Variants in CRIM1 observed in about 807,000 individuals in gnomAD.
The protein encoded by CRIM1 is cysteine rich transmembrane BMP regulator 1.
Under a neutral mutation model 116.4 loss-of-function variants are expected in CRIM1, and 32 were observed. The ratio of observed to expected loss-of-function variants is 0.27; its 90% CI spans 0.21 to 0.37. CRIM1 has a LOEUF of 0.37. CRIM1 is among the 10% of genes least tolerant of loss of function. The pLI is 1.00. For missense variants in CRIM1, 1,331 were observed against 1,354.8 expected (o/e 0.98, Z 0.28); for synonymous variants, 590 against 509.2 (o/e 1.16, Z -2.13).
chr2:36,513,744 C>G lies in CRIM1; in HGVS notation c.1969C>G (p.Gln657Glu). The stretch of plus-strand genomic sequence containing the variant: ...TGGCAACCCCACCATTCACCCTGGA[C>G]AGTGCTGCCCATCATGTGCAGGTAA... The part of the protein sequence containing the change: ...ACGNPTIHPG[Q>E]CCPSCADDFV... Residue 657 changes from glutamine to glutamate, a missense_variant, in exon 11 of 17, where the codon CAG (glutamine) becomes GAG (glutamate). Physicochemically the swap from Gln to Glu is conservative, Grantham distance 29. Transcript: ENST00000280527. 1 of 1,614,138 alleles carries G rather than the reference C, an allele frequency of 6.2e-7. No individual in the cohort carries two copies. The highest frequency in any genetic ancestry group is 8.5e-7 in the Non-Finnish European group (1 of 1,180,000).
intron 6 of CRIM1, among the ~76,000 whole-genome samples, chr2:36,479,140 C>T (rs1340976078): frequency 6.6e-6 from 1 of 152,250 alleles, no homozygotes; most frequent in Non-Finnish European, 1.5e-5. Context: ...TTTATGTCTA[C>T]AACTGCGAAG....
intron 14 of CRIM1, among the ~76,000 whole-genome samples, chr2:36,542,364 T>C (rs568854722): frequency 6.6e-6 from 1 of 152,364 alleles, no homozygotes; most frequent in Admixed American, 6.5e-5. Context: ...TCCTTCTAAC[T>C]TTCCCTGCTG....
rs1014068785 is a variant in CRIM1 at position 36,549,445 on chromosome 2, A to G, written c.*744A>G. 5 of 151,808 alleles carry G rather than the reference A, an allele frequency of 3.3e-5. No individual in the cohort carries two copies. Among genetic ancestry groups the G allele is most frequent in the Admixed American group, 2.6e-4 (4 of 15,196 alleles). 9.4% of individuals were successfully genotyped at this position (151,808 alleles called of 1,614,324 possible). ...CAGAGTCAGCACATGAACAAGATCT[A>G]AGTCATTTCTTGATGTGAGCACTGG... On this transcript the variant is annotated 3_prime_UTR_variant, in exon 17 of 17. Coordinates refer to ENST00000280527, the MANE Select transcript of CRIM1 (RefSeq NM_016441.3).
At chr2:36,461,547 A>G (rs140742272) in intron 4 of CRIM1, among the ~76,000 whole-genome samples, 12 of 152,350 alleles carry the variant, frequency 7.9e-5, no homozygotes, top group Admixed American at 2.6e-4. Flanking sequence ...AAATCAGGTC[A>G]CTTGACTAAG....
intron 5 of CRIM1, among the ~76,000 whole-genome samples, chr2:36,465,275 T>C (rs1364854909): frequency 6.6e-6 from 1 of 152,198 alleles, no homozygotes; most frequent in East Asian, 1.9e-4. Context: ...TCACTTTATA[T>C]GGGAGGATTT....
chr2:36,465,109 A>G (rs1195731080), intron 5 of CRIM1, among the ~76,000 whole-genome samples: 1 of 152,190 alleles, frequency 6.6e-6, no homozygotes, highest in Non-Finnish European at 1.5e-5. Context: ...ACATCTTTGC[A>G]CCTGATCTTA....
intron 11 of CRIM1, among the ~76,000 whole-genome samples, chr2:36,516,820 C>G (rs1331938124): frequency 3.3e-5 from 5 of 152,200 alleles, no homozygotes; most frequent in Admixed American, 1.3e-4. Context: ...ATGATCCAAA[C>G]AACCATAGAC....
At chr2:36,379,742 C>CTTTTTTT (rs760969263) in intron 1 of CRIM1, among the ~76,000 whole-genome samples, 2 of 106,386 alleles carry the variant, frequency 1.9e-5, no homozygotes, top group African/African-American at 7.3e-5. Flanking sequence ...TTCTTTCTCT[C>CTTTTTTT]TTTTTTTTTT....
chr2:36,377,717 G>A (rs566253004), intron 1 of CRIM1, among the ~76,000 whole-genome samples: 11 of 152,296 alleles, frequency 7.2e-5, no homozygotes, highest in Non-Finnish European at 1.2e-4. Flanking sequence ...TTTATACATA[G>A]CACATACTCA....
At chr2:36,395,758 C>G (rs978347758) in intron 1 of CRIM1, among the ~76,000 whole-genome samples, 3 of 152,126 alleles carry the variant, frequency 2.0e-5, no homozygotes, top group Non-Finnish European at 2.9e-5. Context: ...TTGTTTCTGG[C>G]TTTGGGTTGG....
chr2:36,475,223 A>G (rs1212233207), intron 5 of CRIM1, among the ~76,000 whole-genome samples: 1 of 152,256 alleles, frequency 6.6e-6, no homozygotes, highest in East Asian at 1.9e-4. Context: ...CTTTCAATCC[A>G]TGAACACGGG....
chr2:36,453,601 G>A (rs533943565), intron 4 of CRIM1, among the ~76,000 whole-genome samples: 1 of 152,308 alleles, frequency 6.6e-6, no homozygotes, highest in East Asian at 1.9e-4. Context: ...ATTGTTCAGG[G>A]AGCAGATATT....
At chr2:36,545,144 C>G (rs1294299597) in intron 15 of CRIM1, among the ~76,000 whole-genome samples, 1 of 152,210 alleles carries the variant, frequency 6.6e-6, no homozygotes, top group African/African-American at 2.4e-5. Flanking sequence ...GTACTGCCTC[C>G]TGTGTCCTCC....
At chr2:36,368,601 C>T (rs1380735528) in intron 1 of CRIM1, among the ~76,000 whole-genome samples, 1 of 152,188 alleles carries the variant, frequency 6.6e-6, no homozygotes, top group Non-Finnish European at 1.5e-5. Flanking sequence ...CCAAGAGCAG[C>T]CTTCCAGAAT....
At chr2:36,462,785 A>C (rs1208887288) in intron 4 of CRIM1, among the ~76,000 whole-genome samples, 1 of 152,204 alleles carries the variant, frequency 6.6e-6, no homozygotes, top group Non-Finnish European at 1.5e-5. Flanking sequence ...ACAGAGTGCC[A>C]AGTACAATAA....
chr2:36,503,890 A>G (rs1285480005), intron 8 of CRIM1, among the ~76,000 whole-genome samples: 3 of 150,878 alleles, frequency 2.0e-5, no homozygotes, highest in Non-Finnish European at 3.0e-5. Flanking sequence ...TTTTTTTTTT[A>G]TACAGGGTCT....
chr2:36,461,514 CAGAG>C (rs1677579225), intron 4 of CRIM1, among the ~76,000 whole-genome samples: 1 of 152,190 alleles, frequency 6.6e-6, no homozygotes, highest in South Asian at 2.1e-4. Flanking sequence ...GTGGAAAACA[CAGAG>C]AACAGGAAAC....
intron 5 of CRIM1, among the ~76,000 whole-genome samples, chr2:36,465,615 G>C (rs560225253): frequency 2.5e-4 from 38 of 152,244 alleles, no homozygotes; most frequent in African/African-American, 8.9e-4. Context: ...TTTTAGGCCC[G>C]TGGCCAAGTT....
intron 2 of CRIM1, among the ~76,000 whole-genome samples, chr2:36,409,611 A>C (rs1257564219): frequency 2.0e-5 from 3 of 152,222 alleles, no homozygotes; most frequent in African/African-American, 7.2e-5. Flanking sequence ...AGGGTAGAGC[A>C]GCCATACCCA....
Sources: allele counts gnomAD v4.1 joint callset (sites outside exome capture counted in the v4.1 genomes callset), GRCh38; gene constraint gnomAD v4.1.1; transcripts MANE v1.5; gene names NCBI Gene and HGNC (gene_info 2026-07-23, HGNC 2026-07-21).